PTH2R: variants seen among roughly 807,000 people sequenced by gnomAD.
PTH2R encodes parathyroid hormone 2 receptor.
PTH2R carries 59 observed loss-of-function variants against 60.3 expected under a neutral mutation model. The ratio of observed to expected loss-of-function variants is 0.98; its 90% CI spans 0.79 to 1.22. The LOEUF is 1.22. PTH2R is among the 50% of genes most tolerant of loss of function. PTH2R has a pLI of 0.00. For missense variants in PTH2R, 749 were observed against 682.6 expected (o/e 1.10, Z -1.08); for synonymous variants, 256 against 243.8 (o/e 1.05, Z -0.47).
chr2:208,422,242 G>T (rs1435258648), intron 1 of PTH2R, among the ~76,000 whole-genome samples: 1 of 152,136 alleles, frequency 6.6e-6, no homozygotes, highest in African/African-American at 2.4e-5. Context: ...CAGTTACATT[G>T]CGGGAGGGCA....
At chr2:208,395,237 C>T (rs1165803826) in intron 1 of PTH2R, among the ~76,000 whole-genome samples, 2 of 151,818 alleles carry the variant, frequency 1.3e-5, no homozygotes, top group African/African-American at 2.4e-5. Flanking sequence ...TTAGTAGAGA[C>T]GGGGTTTCAC....
At chr2:208,375,411 T>A (rs1477177164) in intron 1 of PTH2R, among the ~76,000 whole-genome samples, 5 of 152,140 alleles carry the variant, frequency 3.3e-5, no homozygotes, top group African/African-American at 1.2e-4. Flanking sequence ...CACCTAAATG[T>A]CATTCCACTC....
intron 1 of PTH2R, among the ~76,000 whole-genome samples, chr2:208,419,150 G>T (rs989987833): frequency 6.6e-6 from 1 of 152,190 alleles, no homozygotes; most frequent in African/African-American, 2.4e-5. Context: ...GTGTAAAGGT[G>T]TTCCTATTTC....
chr2:208,469,619 A>G (rs1702836291), intron 9 of PTH2R, among the ~76,000 whole-genome samples: 1 of 152,168 alleles, frequency 6.6e-6, no homozygotes, highest in South Asian at 2.1e-4. Context: ...TAATTATAGC[A>G]TTGTTGTTTT....
At chr2:208,419,068 T>C (rs4673406) in intron 1 of PTH2R, among the ~76,000 whole-genome samples, 2 of 152,220 alleles carry the variant, frequency 1.3e-5, no homozygotes, top group Admixed American at 1.3e-4. Flanking sequence ...ATGGTATTTC[T>C]AGTTCTAGAT....
At chr2:208,444,618 A>C in intron 6 of PTH2R, 116 bp from the exon 7 acceptor site, 1 of 968,110 alleles carries the variant, frequency 1.0e-6, no homozygotes, top group Non-Finnish European at 1.5e-6. Context: ...TTACTGTGTA[A>C]AGGAGACATA....
chr2:208,452,035 A>G (rs1437416), intron 8 of PTH2R, among the ~76,000 whole-genome samples: 112,930 of 152,082 alleles, frequency 0.74, 42,014 homozygotes, highest in East Asian at 0.94. Flanking sequence ...TCAGTTTCTC[A>G]TGTATAAAGC....
intron 9 of PTH2R, among the ~76,000 whole-genome samples, chr2:208,463,621 T>C (rs1221901515): frequency 1.3e-5 from 2 of 152,224 alleles, no homozygotes; most frequent in Non-Finnish European, 1.5e-5. Context: ...CACACAGCGC[T>C]GTAAGCATTA....
intron 1 of PTH2R, among the ~76,000 whole-genome samples, chr2:208,408,160 T>C (rs1233041481): frequency 1.3e-5 from 2 of 152,314 alleles, no homozygotes; most frequent in East Asian, 3.9e-4. Flanking sequence ...GACCAAGATG[T>C]TTCATGTAGA....
intron 9 of PTH2R, chr2:208,466,286 G>C (rs1702749946): frequency 1.3e-5 from 2 of 152,670 alleles, no homozygotes; most frequent in African/African-American, 4.8e-5. Context: ...TGGCATAATT[G>C]TTACACATTT....
chr2:208,440,981 C>T (rs1702169484), intron 4 of PTH2R, among the ~76,000 whole-genome samples: 1 of 152,136 alleles, frequency 6.6e-6, no homozygotes, highest in Non-Finnish European at 1.5e-5. Flanking sequence ...AGGGGGCCCT[C>T]ACTAACTGCA....
rs547874433 is a variant in PTH2R, at chr2:208,491,543, G to T, written c.1257+863G>T. Reference sequence around the variant, plus strand: ...TCTTACAGACTAAGAGTTTTTAAGGGTTCAGGGTGGGAGAGCTTATCACAG... The same window carrying T: ...TCTTACAGACTAAGAGTTTTTAAGGTTTCAGGGTGGGAGAGCTTATCACAG... On this transcript the variant is annotated intron_variant, in intron 12 of 12. Transcript: ENST00000272847. 8.5e-5 allele frequency among the ~76,000 whole-genome samples: 13 copies of T among 152,266 alleles called. No homozygotes were observed. The South Asian group carries it at 2.5e-3, about 29-fold the overall frequency.
intron 2 of PTH2R, 148 bp downstream of exon 2, chr2:208,428,451 C>T (rs1230475128): frequency 3.3e-6 from 2 of 601,186 alleles, no homozygotes; most frequent in East Asian, 5.7e-5. Flanking sequence ...AACAACAACA[C>T]TCTTTTCATC....
intron 1 of PTH2R, among the ~76,000 whole-genome samples, chr2:208,424,116 C>T (rs1701809933): frequency 6.6e-6 from 1 of 152,156 alleles, no homozygotes; most frequent in Non-Finnish European, 1.5e-5. Context: ...ACCCCCGCTC[C>T]AGCAGAGGAG....
chr2:208,475,010 C>T (rs1489523684), intron 9 of PTH2R, among the ~76,000 whole-genome samples: 1 of 152,188 alleles, frequency 6.6e-6, no homozygotes, highest in Non-Finnish European at 1.5e-5. Flanking sequence ...ATCAGTGCTG[C>T]AGCAGCTGGT....
chr2:208,371,782 A>G lies in PTH2R; in HGVS notation c.-259+11545A>G, dbSNP rs146404653. Among the ~76,000 whole-genome samples the G allele has an allele frequency of 2.1e-4, 32 of 152,106 alleles. No homozygotes were observed. In the Middle Eastern group the frequency reaches 0.01, roughly 49 times the overall value. Reference sequence around the variant, plus strand: ...GGTTGCAAAGTATTAGTTTTTTGCCACTCACTGTGTGTTGTGATATGACAT... The same window carrying G: ...GGTTGCAAAGTATTAGTTTTTTGCCGCTCACTGTGTGTTGTGATATGACAT... On this transcript the variant is annotated intron_variant, in intron 1 of 12. Coordinates refer to the PTH2R transcript ENST00000617735.
At position 208,458,024 on chromosome 2, in the gene PTH2R, T is replaced by C. The variant is rs1439046476; in HGVS notation, c.915-1871T>C. ...GGGTTTTGTGAAAAGAGAAAGAAAC[T>C]TAAGACTTTTATTTGTGCGTCTTTT... On this transcript the variant is annotated intron_variant, in intron 8 of 12. Transcript: ENST00000272847. Among the ~76,000 whole-genome samples, 3 of 152,204 alleles carry C rather than the reference T, an allele frequency of 2.0e-5. No homozygotes were observed. The East Asian group carries it at 5.8e-4, about 29-fold the overall frequency.
intron 10 of PTH2R, among the ~76,000 whole-genome samples, chr2:208,484,576 G>A (rs1261464142): frequency 6.6e-6 from 1 of 152,060 alleles, no homozygotes; most frequent in Non-Finnish European, 1.5e-5. Flanking sequence ...ACTTCATAAA[G>A]TAGGAAGAGG....
At chr2:208,400,718 T>A (rs1294806754) in intron 1 of PTH2R, among the ~76,000 whole-genome samples, 1 of 152,234 alleles carries the variant, frequency 6.6e-6, no homozygotes, top group African/African-American at 2.4e-5. Flanking sequence ...GCAAGTTAGG[T>A]CAGCAAGAGT....
Sources: allele counts gnomAD v4.1 joint callset (sites outside exome capture counted in the v4.1 genomes callset), GRCh38; gene constraint gnomAD v4.1.1; transcripts MANE v1.5; gene names NCBI Gene and HGNC (gene_info 2026-07-23, HGNC 2026-07-21).